TMOD4: variants seen among roughly 807,000 people sequenced by gnomAD.
TMOD4 encodes tropomodulin-4.
Under a neutral mutation model 45.4 loss-of-function variants are expected in TMOD4, and 34 were observed. The ratio of observed to expected loss-of-function variants is 0.75; its 90% CI spans 0.57 to 1.00. The LOEUF (loss-of-function observed/expected upper bound fraction) is 1.00. Ranked by LOEUF, TMOD4 falls within the 50% of genes least tolerant of loss-of-function variation. TMOD4 has a pLI of 0.00. For synonymous variants in TMOD4, 131 were observed against 153.9 expected, an observed-to-expected ratio of 0.85 and a Z score of 1.10; for missense variants, 399 against 437.5, an observed-to-expected ratio of 0.91 and a Z score of 0.78.
Position 151,170,513 on chromosome 1 carries a change from A to AC in TMOD4, c.1015+5dup. ...CACTCCACACATCATGTCTGCAGTT[A>AC]CTCACGTAGTTCATTGTTTCGGGTC... On this transcript the variant is annotated splice_donor_region_variant and intron_variant, in intron 9 of 9. Coordinates refer to ENST00000295314, the MANE Select transcript of TMOD4 (RefSeq NM_013353.3). 6.2e-7 allele frequency: 1 copy of AC among 1,614,132 alleles called. No individual in the cohort carries two copies. The highest frequency in any genetic ancestry group is 8.5e-7 in the Non-Finnish European group (1 of 1,180,008).
intron 4 of TMOD4, among the ~76,000 whole-genome samples, chr1:151,172,853 G>A (rs1422128341): frequency 6.6e-6 from 1 of 151,574 alleles, no homozygotes; most frequent in South Asian, 2.1e-4. Flanking sequence ...ACGGAGTCTC[G>A]CTCTGTTGCC....
chr1:151,175,076 A>G (rs1684062755), intron 1 of TMOD4, 159 bp from the exon 2 acceptor site: 1 of 598,656 alleles, frequency 1.7e-6, no homozygotes, highest in Non-Finnish European at 2.9e-6. Flanking sequence ...GGTTGTTTAG[A>G]GTTAGAACTA....
rs375975110 is a variant in TMOD4 at position 151,173,484 on chromosome 1, C to T, written c.397+15G>A. On this transcript the variant is annotated intron_variant, in intron 4 of 9. Coordinates refer to ENST00000295314, the MANE Select transcript of TMOD4 (RefSeq NM_013353.3). ...CCCCTGATCCTCTCACCCTCAACTT[C>T]CCACAGCTACCCACCTGCAATGTCA... The T allele has an allele frequency of 1.2e-6, 2 of 1,607,614 alleles. No individual in the cohort carries two copies. Among genetic ancestry groups the T allele is most frequent in the Non-Finnish European group, 1.7e-6 (2 of 1,174,154 alleles).
chr1:151,171,395 G>C (rs376286863), intron 7 of TMOD4, 38 bp downstream of exon 7: 133 of 1,557,408 alleles, frequency 8.5e-5, no homozygotes, highest in Non-Finnish European at 1.1e-4. Flanking sequence ...GTGCATGTAA[G>C]ATGTGGGGAG....
In TMOD4 at chr1:151,171,635, G is replaced by A; in HGVS notation, c.616C>T (p.Gln206Ter). 5 of 1,614,094 alleles carry A rather than the reference G, an allele frequency of 3.1e-6. No individual in the cohort carries two copies. Among genetic ancestry groups the A allele is most frequent in the Non-Finnish European group, 4.2e-6 (5 of 1,180,024 alleles). The change falls in exon 6 of 10, where the codon CAG becomes TAG. Residue 206 changes from glutamine to a stop codon, truncating the protein, a stop_gained and splice_region_variant. Transcript: ENST00000295314. LOFTEE classifies it high-confidence loss of function. ...TTTGGAGGATGCAAGTCAAATACCT[G>A]TATATTATTCAAGTTCACCTCCTCC... ...ELEEVNLNNI[Q>*]DIPIPMLSEL...
rs1572083311 is a variant in TMOD4, at chr1:151,171,485, T to C, written c.674A>G (p.Tyr225Cys). ...GGCTACCAGACTGAAGCTCCGCACA[T>C]AGGTATTTGCCTTCATTGCCTCACA... ...ELCEAMKANT[Y>C]VRSFSLVATR... The change falls in exon 7 of 10, where the codon TAT becomes TGT. Residue 225 changes from tyrosine to cysteine, a missense_variant. Transcript: ENST00000295314. 1.2e-6 allele frequency: 2 copies of C among 1,614,142 alleles called. No homozygotes were observed. Among genetic ancestry groups the C allele is most frequent in the Non-Finnish European group, 8.5e-7 (1 of 1,180,022 alleles).
At chr1:151,171,801 C>T (rs1683967356) in intron 5 of TMOD4, 38 bp from the exon 6 acceptor site, 5 of 1,590,388 alleles carry the variant, frequency 3.1e-6, no homozygotes, top group Non-Finnish European at 3.4e-6. Flanking sequence ...CCAACATGTT[C>T]CCCATAATCT....
chr1:151,172,304 A>G lies in TMOD4; in HGVS notation c.451T>C (p.Cys151Arg), dbSNP rs749657856. The change falls in exon 5 of 10, where the codon TGC (cysteine) becomes CGC (arginine). Residue 151 changes from cysteine to arginine, a missense_variant. Transcript: ENST00000295314. ...TCAGTGTTGCAGATTTCTCCACTGCAGAGGGCATCATAGTATTGCTTGTTA... is the reference window on the plus strand; with the variant it reads ...TCAGTGTTGCAGATTTCTCCACTGCGGAGGGCATCATAGTATTGCTTGTTA... ...MSNKQYYDAL[C>R]SGEICNTEGI... 5.6e-6 allele frequency: 9 copies of G among 1,613,862 alleles called. No homozygotes were observed. The East Asian group carries it at 2.0e-4, about 36-fold the overall frequency.
At position 151,171,521 on chromosome 1, in the gene TMOD4, A is replaced by C; in HGVS notation, c.638T>G (p.Leu213Arg). The C allele has an allele frequency of 3.1e-6, 5 of 1,614,158 alleles. No homozygotes were observed. Among genetic ancestry groups the C allele is most frequent in the Non-Finnish European group, 4.2e-6 (5 of 1,180,006 alleles). The part of the protein sequence containing the change: ...NNIQDIPIPM[L>R]SELCEAMKAN... Reference sequence around the variant, plus strand: ...CTTCATTGCCTCACACAGCTCACTTAGCATGGGTATTGGGATGTCCTATCG... The same window carrying C: ...CTTCATTGCCTCACACAGCTCACTTCGCATGGGTATTGGGATGTCCTATCG... The change falls in exon 7 of 10, where the codon CTA (leucine) becomes CGA (arginine). Residue 213 changes from leucine (L) to arginine (R), a missense_variant. By Grantham distance (102) the Leu-to-Arg change is moderately radical. Transcript: ENST00000295314.
intron 4 of TMOD4, among the ~76,000 whole-genome samples, chr1:151,172,643 T>A (rs1466918939): frequency 6.6e-6 from 1 of 152,062 alleles, no homozygotes; most frequent in Non-Finnish European, 1.5e-5. Flanking sequence ...TCCACTTTTT[T>A]TCCCCCCGAG....
rs777902772 is a variant in TMOD4, at chr1:151,171,464, A to G, written c.695T>C (p.Val232Ala). The G allele has an allele frequency of 1.7e-5, 28 of 1,614,076 alleles. 1 individual carries two copies. Among genetic ancestry groups the G allele is most frequent in the Middle Eastern group, 1.6e-4 (1 of 6,084 alleles). ...AATGGGGTCACCACTCCTCGTGGCT[A>G]CCAGACTGAAGCTCCGCACATAGGT... ...ANTYVRSFSLVATRSGDPIAN... is the reference protein window; with the variant it reads ...ANTYVRSFSLAATRSGDPIAN... The change falls in exon 7 of 10, where the codon GTA (valine) becomes GCA (alanine). Residue 232 changes from valine (V) to alanine (A), a missense_variant. By Grantham distance (64) the Val-to-Ala change is moderately conservative. Transcript: ENST00000295314.
intron 9 of TMOD4, 151 bp from the exon 10 acceptor site, chr1:151,170,254 C>T: frequency 1.1e-6 from 1 of 917,018 alleles, no homozygotes; most frequent in Non-Finnish European, 1.7e-6. Context: ...CAAAACAAAA[C>T]AAGAAACCAC....
chr1:151,170,946 G>T lies in TMOD4; in HGVS notation c.844C>A (p.Leu282Ile). 1 of 1,614,206 alleles carries T rather than the reference G, an allele frequency of 6.2e-7. No homozygotes were observed. Among genetic ancestry groups the T allele is most frequent in the Non-Finnish European group, 8.5e-7 (1 of 1,180,044 alleles). ...VLKAVRENAT[L>I]TELRVDNQRQ... ...TGATTGTCTACACGGAGCTCAGTGAGTGTGGCATTTTCCCGAACTGCCTTC... is the reference window on the plus strand; with the variant it reads ...TGATTGTCTACACGGAGCTCAGTGATTGTGGCATTTTCCCGAACTGCCTTC... The change falls in exon 8 of 10, where the codon CTC (leucine) becomes ATC (isoleucine). Residue 282 changes from leucine (L) to isoleucine (I), a missense_variant. Transcript: ENST00000295314.
Position 151,173,621 on chromosome 1 carries a change from G to T in TMOD4, c.281-6C>A, listed in dbSNP as rs1378084913. 6.2e-7 allele frequency: 1 copy of T among 1,609,110 alleles called. No homozygotes were observed. The highest frequency in any genetic ancestry group is 2.2e-5 in the East Asian group (1 of 44,864). On this transcript the variant is annotated splice_polypyrimidine_tract_variant and splice_region_variant and intron_variant, in intron 3 of 9. Coordinates refer to ENST00000295314, the MANE Select transcript of TMOD4 (RefSeq NM_013353.3). ...GGGCTGAATATAGGGTTTCCCTGAT[G>T]GGGAGATGAAGGATGGCTCAGGTAG...
At chr1:151,170,364 G>A (rs1683908586) in intron 9 of TMOD4, 155 bp downstream of exon 9, 1 of 1,236,900 alleles carries the variant, frequency 8.1e-7, no homozygotes. Flanking sequence ...GGAGTTTTCT[G>A]TTTACTTTCT....
In TMOD4 at chr1:151,172,305, G is replaced by A; in HGVS notation, c.450C>T (p.Leu150=). The A allele has an allele frequency of 6.2e-7, 1 of 1,613,982 alleles. No individual in the cohort carries two copies. The highest frequency in any genetic ancestry group is 8.5e-7 in the Non-Finnish European group (1 of 1,179,920). Residue 150 remains leucine, a synonymous_variant, in exon 5 of 10, where the codon CTC becomes CTT. Transcript: ENST00000295314. ...CAGTGTTGCAGATTTCTCCACTGCA[G>A]AGGGCATCATAGTATTGCTTGTTAC... is the stretch of plus-strand genomic sequence containing the variant. ...LMSNKQYYDA[L]CSGEICNTEG...
Position 151,173,481 on chromosome 1 carries a change from CT to C in TMOD4, c.397+17del, listed in dbSNP as rs1179573604. 6.2e-7 allele frequency: 1 copy of C among 1,606,276 alleles called. No homozygotes were observed. Among genetic ancestry groups the C allele is most frequent in the Admixed American group, 1.7e-5 (1 of 60,002 alleles). ...CTGCCCCTGATCCTCTCACCCTCAA[CT>C]TCCCACAGCTACCCACCTGCAATGT... On this transcript the variant is annotated intron_variant, in intron 4 of 9. Transcript: ENST00000295314.
At position 151,174,959 on chromosome 1, in the gene TMOD4, ACAGGGACACAG is replaced by A; in HGVS notation, c.-42-53_-42-43del. On this transcript the variant is annotated intron_variant, in intron 1 of 9. Transcript: ENST00000295314. ...AAAAGGATGGACAATGGTAAGATGGACAGGGACACAGCAGGGACACAAAGAGACCAGCCAGG... is the reference window on the plus strand; with the variant it reads ...AAAAGGATGGACAATGGTAAGATGGACAGGGACACAAAGAGACCAGCCAGG... The A allele has an allele frequency of 5.2e-6, 8 of 1,549,912 alleles. No individual in the cohort carries two copies. The Admixed American group carries it at 6.8e-5, about 13-fold the overall frequency.
rs1257622067 is a variant in TMOD4 at position 151,173,499 on chromosome 1, C to T, written c.397G>A (p.Ala133Thr). The change falls in exon 4 of 10, where the codon GCA (alanine) becomes ACA (threonine). Residue 133 changes from alanine to threonine, a missense_variant and splice_region_variant. Coordinates refer to ENST00000295314, the MANE Select transcript of TMOD4 (RefSeq NM_013353.3). The stretch of plus-strand genomic sequence containing the variant: ...CCCTCAACTTCCCACAGCTACCCAC[C>T]TGCAATGTCACACATTTCAGCATCT... ...ATDAEMCDIA[A>T]ILDMYTLMSN... 1 of 1,613,124 alleles carries T rather than the reference C, an allele frequency of 6.2e-7. No individual in the cohort carries two copies. The highest frequency in any genetic ancestry group is 8.5e-7 in the Non-Finnish European group (1 of 1,179,202).
Sources: allele counts gnomAD v4.1 joint callset (sites outside exome capture counted in the v4.1 genomes callset), GRCh38; gene constraint gnomAD v4.1.1; transcripts MANE v1.5; gene names NCBI Gene and HGNC (gene_info 2026-07-23, HGNC 2026-07-21).